Variants in AGBL1 observed in about 807,000 individuals in gnomAD.
The protein encoded by AGBL1 is cytosolic carboxypeptidase 4.
A neutral mutation model predicts 118.9 loss-of-function variants in AGBL1; 130 were observed. The ratio of observed to expected loss-of-function variants is 1.09; its 90% CI spans 0.95 to 1.26. The LOEUF is 1.26. Among genes scored for constraint, AGBL1 ranks in the 50% most tolerant of loss-of-function variants. The pLI is 0.00. For missense variants in AGBL1, 1,584 were observed against 1,298.1 expected, an observed-to-expected ratio of 1.22 and a Z score of -3.38; for synonymous variants, 555 against 478.9, an observed-to-expected ratio of 1.16 and a Z score of -2.08.
chr15:86,611,553 AAG>A (rs2084654269), intron 21 of AGBL1, among the ~76,000 whole-genome samples: 1 of 152,194 alleles, frequency 6.6e-6, no homozygotes, highest in African/African-American at 2.4e-5. Flanking sequence ...CCCAGGAAGA[AAG>A]AGTTAATGTC....
chr15:86,941,376 G>T (rs942117035), intron 23 of AGBL1, among the ~76,000 whole-genome samples: 7 of 152,172 alleles, frequency 4.6e-5, no homozygotes, highest in African/African-American at 1.7e-4. Flanking sequence ...TATTCTAATA[G>T]GGAATTGGAG....
intron 16 of AGBL1, among the ~76,000 whole-genome samples, chr15:86,288,076 G>A (rs2079482953): frequency 6.6e-6 from 1 of 152,082 alleles, no homozygotes. Context: ...GATATATTTT[G>A]GGAAATGCTG....
chr15:86,427,297 C>G (rs1045473911), intron 18 of AGBL1, among the ~76,000 whole-genome samples: 6 of 152,006 alleles, frequency 3.9e-5, no homozygotes, highest in African/African-American at 1.5e-4. Context: ...TTGTAATGTT[C>G]ACAGCCGAAA....
At chr15:86,817,211 G>C (rs1178625265) in intron 22 of AGBL1, among the ~76,000 whole-genome samples, 1 of 150,272 alleles carries the variant, frequency 6.7e-6, no homozygotes, top group Non-Finnish European at 1.5e-5. Flanking sequence ...AGAATTGCTT[G>C]ATCTCAGAAG....
chr15:86,614,244 T>C (rs2084693446), intron 21 of AGBL1, among the ~76,000 whole-genome samples: 1 of 152,200 alleles, frequency 6.6e-6, no homozygotes, highest in Non-Finnish European at 1.5e-5. Flanking sequence ...TTACTGACCC[T>C]GGGGCTCTTG....
At chr15:86,585,566 A>G (rs1036020002) in intron 21 of AGBL1, among the ~76,000 whole-genome samples, 1 of 151,940 alleles carries the variant, frequency 6.6e-6, no homozygotes, top group Non-Finnish European at 1.5e-5. Context: ...ATGTTTCACT[A>G]TGTTTCCCAG....
chr15:86,592,371 G>A (rs986925154), intron 21 of AGBL1, among the ~76,000 whole-genome samples: 27 of 152,226 alleles, frequency 1.8e-4, no homozygotes, highest in Non-Finnish European at 3.7e-4. Flanking sequence ...AGGAGTGAAA[G>A]TTTATTTAAA....
intron 18 of AGBL1, among the ~76,000 whole-genome samples, chr15:86,422,421 C>T (rs182376124): frequency 6.6e-6 from 1 of 152,056 alleles, no homozygotes; most frequent in Non-Finnish European, 1.5e-5. Context: ...CACAACTTAC[C>T]ACAATCTCTG....
intron 22 of AGBL1, among the ~76,000 whole-genome samples, chr15:86,729,832 T>G (rs1374358030): frequency 6.6e-6 from 1 of 152,320 alleles, no homozygotes; most frequent in East Asian, 1.9e-4. Context: ...CTGTTTTACA[T>G]TCTTAGAGAA....
At chr15:86,476,658 A>G (rs945775237) in intron 18 of AGBL1, among the ~76,000 whole-genome samples, 9 of 152,190 alleles carry the variant, frequency 5.9e-5, no homozygotes, top group Admixed American at 3.3e-4. Flanking sequence ...TACTGTCAAC[A>G]TGAGACAGAT....
chr15:86,662,622 T>A (rs768371342), intron 21 of AGBL1, among the ~76,000 whole-genome samples: 67 of 152,316 alleles, frequency 4.4e-4, no homozygotes, highest in African/African-American at 1.4e-3. Context: ...GTACTCACTA[T>A]CCCAATGCCA....
At chr15:86,236,958 G>T (rs2078560501) in intron 6 of AGBL1, among the ~76,000 whole-genome samples, 1 of 124,620 alleles carries the variant, frequency 8.0e-6, no homozygotes, top group Non-Finnish European at 1.7e-5. Context: ...GGGGCGGGGG[G>T]GCGCCAAGTT....
intron 22 of AGBL1, among the ~76,000 whole-genome samples, chr15:86,683,401 C>T (rs2085996946): frequency 1.3e-5 from 2 of 152,216 alleles, no homozygotes; most frequent in South Asian, 4.1e-4. Context: ...TTGCACATGC[C>T]AAGGAGTGAA....
chr15:86,846,033 A>G (rs144006774), intron 22 of AGBL1, among the ~76,000 whole-genome samples: 1 of 152,220 alleles, frequency 6.6e-6, no homozygotes, highest in Non-Finnish European at 1.5e-5. Context: ...GATATTGCCA[A>G]TAAAACTCTC....
At chr15:86,330,695 A>T (rs1267003767) in intron 17 of AGBL1, among the ~76,000 whole-genome samples, 2 of 152,222 alleles carry the variant, frequency 1.3e-5, no homozygotes, top group African/African-American at 4.8e-5. Flanking sequence ...AGCTCAATGA[A>T]ATCCAAGGCA....
chr15:86,140,005 C>T (rs1299552457), intron 1 of AGBL1: 1 of 165,780 alleles, frequency 6.0e-6, no homozygotes, highest in Non-Finnish European at 1.3e-5. Context: ...AATGGGTGGG[C>T]GGGACATGAT....
chr15:86,173,796 G>A (rs1026467072), intron 5 of AGBL1, among the ~76,000 whole-genome samples: 3 of 152,058 alleles, frequency 2.0e-5, no homozygotes, highest in African/African-American at 7.2e-5. Context: ...TGCTGTGCTG[G>A]TCTGTATGTC....
chr15:86,768,428 C>A (rs2078127107), intron 22 of AGBL1, among the ~76,000 whole-genome samples: 1 of 151,942 alleles, frequency 6.6e-6, no homozygotes, highest in South Asian at 2.1e-4. Flanking sequence ...TTATCTTATA[C>A]CACCTTCTGC....
At chr15:86,681,805 A>G (rs1409532360) in intron 22 of AGBL1, among the ~76,000 whole-genome samples, 1 of 152,144 alleles carries the variant, frequency 6.6e-6, no homozygotes, top group Admixed American at 6.6e-5. Flanking sequence ...ACCTGAGAGT[A>G]CAAAGTTGGG....
Sources: gnomAD v4.1 joint callset for allele counts (sites outside exome capture counted in the v4.1 genomes callset) on GRCh38, gnomAD v4.1.1 for gene constraint, MANE v1.5 for transcripts, NCBI Gene and HGNC (gene_info 2026-07-23, HGNC 2026-07-21) for gene names.